The following AK9 variants were observed in gnomAD, a reference collection of about 807,000 sequenced individuals.
AK9 encodes the protein adenylate kinase 9.
Under a neutral mutation model 239.6 loss-of-function variants are expected in AK9, and 191 were observed. That is an observed-to-expected ratio of 0.80 (90% confidence interval 0.71 to 0.90). The LOEUF is 0.90. Ranked by LOEUF, AK9 falls within the 40% of genes least tolerant of loss-of-function variation. The pLI, the probability that AK9 is intolerant of heterozygous loss-of-function variation, is 0.00. For missense variants in AK9, 1,995 were observed against 2,214.7 expected, an observed-to-expected ratio of 0.90 and a Z score of 1.99; for synonymous variants, 689 against 721.0, an observed-to-expected ratio of 0.96 and a Z score of 0.71.
chr6:109,618,848 T>C lies in AK9; in HGVS notation c.1399+244A>G, dbSNP rs529897949. 6.6e-4 allele frequency among the ~76,000 whole-genome samples: 100 copies of C among 151,740 alleles called. No individual in the cohort carries two copies. The highest frequency in any genetic ancestry group is 1.1e-3 in the Non-Finnish European group (76 of 67,940). The stretch of plus-strand genomic sequence containing the variant: ...CAGTCTGCCCAGTAAGGTAGACCCA[T>C]TGGAGAAAGAAATCCAAATTTAGAG... On this transcript the variant is annotated intron_variant, in intron 13 of 40. Transcript: ENST00000424296.
intron 15 of AK9, among the ~76,000 whole-genome samples, chr6:109,613,674 A>G (rs779274718): frequency 2.0e-5 from 3 of 151,474 alleles, no homozygotes; most frequent in Non-Finnish European, 4.4e-5. Flanking sequence ...AAATGTAAAA[A>G]CAGTCTATAT....
chr6:109,531,415 C>G (rs1781236887), intron 28 of AK9, among the ~76,000 whole-genome samples: 1 of 151,860 alleles, frequency 6.6e-6, no homozygotes, highest in African/African-American at 2.4e-5. Flanking sequence ...TGCTGCTTTC[C>G]TATTCTAGGT....
rs1242515160 is a variant in AK9, at chr6:109,614,163, T to A, written c.1609+20A>T. On this transcript the variant is annotated intron_variant, in intron 15 of 40. Transcript: ENST00000424296. ...GAAAATGAGATCCACAAACGTGGGA[T>A]TAGCAGTTCACTTTGTTACCATCTT... is the stretch of plus-strand genomic sequence containing the variant. The A allele has an allele frequency of 6.6e-7, 1 of 1,520,860 alleles. No homozygotes were observed. Among genetic ancestry groups the A allele is most frequent in the South Asian group, 1.2e-5 (1 of 83,374 alleles). The allele number at this position is 1,520,860 out of a possible 1,614,324, so 94.2% of individuals were successfully genotyped here.
At chr6:109,526,838 G>A (rs1267635244) in intron 29 of AK9, among the ~76,000 whole-genome samples, 1 of 152,150 alleles carries the variant, frequency 6.6e-6, no homozygotes, top group East Asian at 1.9e-4. Flanking sequence ...AGAGCCCTCT[G>A]TGTATCAACC....
intron 39 of AK9, 34 bp from the exon 40 acceptor site, chr6:109,494,129 A>G (rs1022009641): frequency 7.3e-6 from 11 of 1,511,802 alleles, no homozygotes; most frequent in Non-Finnish European, 1.0e-5. Flanking sequence ...TTCTGTGTAT[A>G]CTTGAGTTTG....
intron 33 of AK9, among the ~76,000 whole-genome samples, chr6:109,508,023 G>A (rs149284779): frequency 2.3e-4 from 35 of 152,292 alleles, no homozygotes; most frequent in Non-Finnish European, 4.9e-4. Flanking sequence ...CTTCCACCAT[G>A]TGGCTTCGCT....
At chr6:109,506,570 A>G (rs1311037252) in intron 34 of AK9, 23 bp from the exon 35 acceptor site, 2 of 1,552,652 alleles carry the variant, frequency 1.3e-6, no homozygotes, top group Non-Finnish European at 8.7e-7. Flanking sequence ...CAGAGAAGGA[A>G]TGGAAAAAGC....
At position 109,684,873 on chromosome 6, in the gene AK9, C is replaced by CAAAAAAAA. The variant is rs60500211; in HGVS notation, c.-12+6266_-12+6273dup. On this transcript the variant is annotated intron_variant, in intron 1 of 40. Coordinates refer to ENST00000424296, the MANE Select transcript of AK9 (RefSeq NM_001145128.3). The stretch of plus-strand genomic sequence containing the variant: ...TGGGCGACAGAGTGAGACTCCGTCT[C>CAAAAAAAA]AAAAAAAAAAAAAAAAAAAAAAAAA... Among the ~76,000 whole-genome samples the CAAAAAAAA allele has an allele frequency of 8.7e-4, 19 of 21,872 alleles. 3 individuals are homozygous for CAAAAAAAA. Among genetic ancestry groups the CAAAAAAAA allele is most frequent in the East Asian group, 1.6e-3 (1 of 638 alleles). 14.3% of individuals were successfully genotyped at this position (21,872 alleles called of 152,430 possible). A position where few individuals can be genotyped will look rare whatever the true frequency, so the allele number is the denominator to read the frequency against.
chr6:109,497,991 A>G (rs1490614004), intron 36 of AK9, 26 bp from the exon 37 acceptor site: 3 of 1,610,392 alleles, frequency 1.9e-6, no homozygotes, highest in Non-Finnish European at 2.5e-6. Flanking sequence ...TCCAGTAGCA[A>G]CATGATTTAA....
chr6:109,517,101 C>T (rs1425832530), intron 29 of AK9, among the ~76,000 whole-genome samples: 1 of 152,126 alleles, frequency 6.6e-6, no homozygotes, highest in African/African-American at 2.4e-5. Context: ...AGCGGGTTCA[C>T]TGTCTCAGTT....
rs186606173 is a variant in AK9 at position 109,550,305 on chromosome 6, A to G, written c.2752-3T>C. The G allele has an allele frequency of 4.7e-3, 7,487 of 1,602,400 alleles. 23 individuals are homozygous for G. The highest frequency in any genetic ancestry group is 5.8e-3 in the Non-Finnish European group (6,850 of 1,178,054). ...CTCTCCTTCATTTTATCTTCACCCT[A>G]GAAACGGTATTCAAAGTTTGGAGAA... On this transcript the variant is annotated splice_polypyrimidine_tract_variant and splice_region_variant and intron_variant, in intron 24 of 40. Coordinates refer to ENST00000424296, the MANE Select transcript of AK9 (RefSeq NM_001145128.3).
intron 38 of AK9, 62 bp downstream of exon 38, chr6:109,497,403 G>A (rs538249902): frequency 4.4e-5 from 42 of 954,686 alleles, no homozygotes; most frequent in African/African-American, 2.4e-4. Context: ...CCTCTCCCCC[G>A]TTCCCAGCAT....
At chr6:109,625,616 T>C (rs1186163970) in intron 12 of AK9, among the ~76,000 whole-genome samples, 4 of 152,158 alleles carry the variant, frequency 2.6e-5, no homozygotes, top group Non-Finnish European at 5.9e-5. Context: ...GTGTGCTCCT[T>C]ATGAGAATCT....
chr6:109,617,357 G>C (rs1794298008), intron 13 of AK9, among the ~76,000 whole-genome samples: 1 of 151,888 alleles, frequency 6.6e-6, no homozygotes, highest in African/African-American at 2.4e-5. Flanking sequence ...AAATAATCAG[G>C]AAACAACTTA....
chr6:109,568,047 G>A (rs4521622), intron 21 of AK9, among the ~76,000 whole-genome samples: 88,023 of 151,428 alleles, frequency 0.58, 27,224 homozygotes, highest in South Asian at 0.84. Context: ...CTGGCAAACC[G>A]AATCCAGCAG....
chr6:109,573,927 T>C (rs980159790), intron 20 of AK9, among the ~76,000 whole-genome samples: 2 of 152,150 alleles, frequency 1.3e-5, no homozygotes, highest in Non-Finnish European at 2.9e-5. Context: ...CACCATTCAA[T>C]ATAGTAGCCA....
At chr6:109,621,893 T>TAAA (rs59405869) in intron 12 of AK9, among the ~76,000 whole-genome samples, 2 of 55,514 alleles carry the variant, frequency 3.6e-5, no homozygotes, top group African/African-American at 9.2e-5. Flanking sequence ...AAAGTATAAT[T>TAAA]AAAAAAAAAA....
At chr6:109,625,854 C>T (rs1267856379) in intron 12 of AK9, among the ~76,000 whole-genome samples, 1 of 151,908 alleles carries the variant, frequency 6.6e-6, no homozygotes, top group Non-Finnish European at 1.5e-5. Flanking sequence ...GTAAGTCAAT[C>T]TATAATTTTT....
chr6:109,685,953 A>G (rs1228932624), intron 1 of AK9, among the ~76,000 whole-genome samples: 5 of 152,224 alleles, frequency 3.3e-5, no homozygotes, highest in African/African-American at 9.6e-5. Context: ...ACAAGCTGGT[A>G]GTCCCAGTTG....
Sources: allele counts gnomAD v4.1 joint callset (sites outside exome capture counted in the v4.1 genomes callset), GRCh38; gene constraint gnomAD v4.1.1; transcripts MANE v1.5; gene names NCBI Gene and HGNC (gene_info 2026-07-23, HGNC 2026-07-21).